Variants in FGF12 observed in about 807,000 individuals in gnomAD.
FGF12 encodes the protein fibroblast growth factor 12B.
Under a neutral mutation model 23.6 loss-of-function variants are expected in FGF12, and 14 were observed. The ratio of observed to expected loss-of-function variants is 0.59; its 90% CI spans 0.39 to 0.93. The LOEUF (loss-of-function observed/expected upper bound fraction) is 0.93, where lower values mean the gene tolerates loss of function less well. FGF12 is among the 40% of genes least tolerant of loss of function. The pLI is 0.00. For missense variants in FGF12, 175 were observed against 217.8 expected (o/e 0.80, Z 1.24); for synonymous variants, 62 against 77.3 (o/e 0.80, Z 1.04).
At chr3:192,400,667 C>G (rs1327810942) in intron 2 of FGF12, among the ~76,000 whole-genome samples, 1 of 151,968 alleles carries the variant, frequency 6.6e-6, no homozygotes, top group Admixed American at 6.6e-5. Context: ...GCACCCCGTC[C>G]CCACCTTCAC....
At chr3:192,224,346 GGAA>G (rs1490013122) in intron 4 of FGF12, among the ~76,000 whole-genome samples, 1 of 152,040 alleles carries the variant, frequency 6.6e-6, no homozygotes, top group African/African-American at 2.4e-5. Context: ...ACACAAAACT[GGAA>G]GAAGATAACA....
chr3:192,406,873 ACAG>A (rs1322485477), intron 2 of FGF12, among the ~76,000 whole-genome samples: 1 of 152,204 alleles, frequency 6.6e-6, no homozygotes, highest in Non-Finnish European at 1.5e-5. Context: ...CTGGAAACCA[ACAG>A]CACGCCACAG....
intron 2 of FGF12, among the ~76,000 whole-genome samples, chr3:192,445,429 A>G (rs1031147487): frequency 1.5e-4 from 23 of 152,188 alleles, no homozygotes; most frequent in African/African-American, 5.6e-4. Context: ...TTGTTCTTGC[A>G]AATTACACTA....
chr3:192,297,260 A>G (rs1346035455), intron 4 of FGF12, among the ~76,000 whole-genome samples: 1 of 152,216 alleles, frequency 6.6e-6, no homozygotes, highest in Non-Finnish European at 1.5e-5. Context: ...ATGAAGCAAA[A>G]ATTTTAAAAA....
intron 2 of FGF12, among the ~76,000 whole-genome samples, chr3:192,393,609 T>C (rs1720398589): frequency 6.6e-6 from 1 of 151,612 alleles, no homozygotes; most frequent in African/African-American, 2.4e-5. Context: ...ACTGCACAGA[T>C]AAAGAAAATG....
At chr3:192,168,712 T>G (rs1255564730) in intron 5 of FGF12, among the ~76,000 whole-genome samples, 1 of 152,192 alleles carries the variant, frequency 6.6e-6, no homozygotes, top group Non-Finnish European at 1.5e-5. Flanking sequence ...TTATCAAATA[T>G]CTCTCTATGA....
chr3:192,286,250 G>A (rs1158375102), intron 4 of FGF12, among the ~76,000 whole-genome samples: 1 of 151,982 alleles, frequency 6.6e-6, no homozygotes, highest in Non-Finnish European at 1.5e-5. Flanking sequence ...CCATCAGAGA[G>A]AGGTTAATTT....
intron 2 of FGF12, among the ~76,000 whole-genome samples, chr3:192,692,227 G>A (rs949320341): frequency 6.6e-6 from 1 of 152,022 alleles, no homozygotes; most frequent in Non-Finnish European, 1.5e-5. Flanking sequence ...AAAACAACAG[G>A]CCAATACCTC....
chr3:192,600,134 T>C (rs1262724690), intron 2 of FGF12, among the ~76,000 whole-genome samples: 1 of 152,142 alleles, frequency 6.6e-6, no homozygotes, highest in African/African-American at 2.4e-5. Flanking sequence ...GCACTAATTA[T>C]TGAAGAAATT....
At chr3:192,180,015 A>G (rs1716083957) in intron 4 of FGF12, among the ~76,000 whole-genome samples, 1 of 152,170 alleles carries the variant, frequency 6.6e-6, no homozygotes, top group African/African-American at 2.4e-5. Context: ...TTGTGGATCC[A>G]CATAACGTGT....
At chr3:192,596,127 T>TATAATATAATATAATATAAC (rs1713840627) in intron 2 of FGF12, among the ~76,000 whole-genome samples, 1 of 147,552 alleles carries the variant, frequency 6.8e-6, no homozygotes, top group Non-Finnish European at 1.5e-5. Flanking sequence ...TATAATATAA[T>TATAATATAATATAATATAAC]ATAATATAAT....
intron 2 of FGF12, among the ~76,000 whole-genome samples, chr3:192,524,081 G>T (rs189264833): frequency 6.6e-6 from 1 of 152,008 alleles, no homozygotes; most frequent in East Asian, 1.9e-4. Flanking sequence ...ACAAAAAAGG[G>T]ACAGTGACTT....
rs183691152 is a variant in FGF12 at position 192,465,630 on chromosome 3, G to A, written c.14-105092C>T. Among the ~76,000 whole-genome samples, 221 of 152,264 alleles carry A rather than the reference G, an allele frequency of 1.5e-3. 1 individual carries two copies. The highest frequency in any genetic ancestry group is 2.1e-4 in the Non-Finnish European group (14 of 68,012). ...CACAGACTGTCTATACAAACAATGC[G>A]ATTTATGCTGAATAGCTACTTTTCT... On this transcript the variant is annotated intron_variant, in intron 2 of 5. Coordinates refer to ENST00000445105, the MANE Select transcript of FGF12 (RefSeq NM_004113.6).
At chr3:192,686,815 A>ATTTTTTTTTTTT (rs57045697) in intron 2 of FGF12, among the ~76,000 whole-genome samples, 6 of 61,478 alleles carry the variant, frequency 9.8e-5, no homozygotes, top group Non-Finnish European at 1.1e-4. Context: ...TTTTTCTCTA[A>ATTTTTTTTTTTT]TTTTTTTTTT....
chr3:192,669,602 T>TAAAAAAAAAAAAAAAAAAA (rs59897483), intron 2 of FGF12, among the ~76,000 whole-genome samples: 31 of 59,528 alleles, frequency 5.2e-4, no homozygotes, highest in Non-Finnish European at 8.1e-4. Flanking sequence ...GACTCTGTCT[T>TAAAAAAAAAAAAAAAAAAA]AAAAAAAAAA....
chr3:192,665,029 A>C (rs1408325150), intron 2 of FGF12, among the ~76,000 whole-genome samples: 2 of 152,242 alleles, frequency 1.3e-5, no homozygotes, highest in African/African-American at 2.4e-5. Flanking sequence ...TTAGTGCATT[A>C]ATCCTGAAAA....
chr3:192,633,248 G>C (rs1715454940), intron 2 of FGF12, among the ~76,000 whole-genome samples: 1 of 152,022 alleles, frequency 6.6e-6, no homozygotes, highest in South Asian at 2.1e-4. Context: ...GTTTCATCAT[G>C]TTGGTCAGGC....
intron 2 of FGF12, among the ~76,000 whole-genome samples, chr3:192,463,286 G>A (rs910474798): frequency 3.3e-5 from 5 of 151,972 alleles, no homozygotes; most frequent in Non-Finnish European, 7.4e-5. Context: ...CAGGTGTGGT[G>A]GCACATACCT....
At chr3:192,296,773 T>C (rs1715066026) in intron 4 of FGF12, among the ~76,000 whole-genome samples, 1 of 152,124 alleles carries the variant, frequency 6.6e-6, no homozygotes, top group African/African-American at 2.4e-5. Flanking sequence ...TTTGATAATA[T>C]CAAATTTAAA....
Sources: allele counts gnomAD v4.1 joint callset (sites outside exome capture counted in the v4.1 genomes callset), GRCh38; gene constraint gnomAD v4.1.1; transcripts MANE v1.5; gene names NCBI Gene and HGNC (gene_info 2026-07-23, HGNC 2026-07-21).